The following TMEM132D variants were observed in gnomAD, a reference collection of about 807,000 sequenced individuals.
The protein encoded by TMEM132D is mature OL transmembrane protein.
In TMEM132D, 21 loss-of-function variants were observed where a neutral mutation model predicts 62.3. The observed-to-expected ratio is 0.34, with a 90% CI of 0.24 to 0.49. The LOEUF is 0.49. Ranked by LOEUF, TMEM132D falls within the 20% of genes least tolerant of loss-of-function variation. TMEM132D has a pLI of 0.99. For synonymous variants in TMEM132D, 621 were observed against 575.6 expected (o/e 1.08, Z -1.13); for missense variants, 1,346 against 1,402.8 (o/e 0.96, Z 0.65).
At chr12:129,619,249 C>A (rs1006500405) in intron 2 of TMEM132D, among the ~76,000 whole-genome samples, 1 of 152,072 alleles carries the variant, frequency 6.6e-6, no homozygotes, top group Non-Finnish European at 1.5e-5. Context: ...TTCAGATGGT[C>A]GAGGGGCCTT....
intron 3 of TMEM132D, among the ~76,000 whole-genome samples, chr12:129,427,635 A>T (rs1872536234): frequency 6.6e-6 from 1 of 152,166 alleles, no homozygotes; most frequent in African/African-American, 2.4e-5. Context: ...TGCACTATGC[A>T]TCCCAGTTTT....
chr12:129,187,302 C>A (rs1878246366), intron 5 of TMEM132D, among the ~76,000 whole-genome samples: 1 of 152,122 alleles, frequency 6.6e-6, no homozygotes, highest in Non-Finnish European at 1.5e-5. Flanking sequence ...AGGCCACACA[C>A]AAAATTGGGA....
intron 4 of TMEM132D, among the ~76,000 whole-genome samples, chr12:129,249,424 C>T (rs1341089818): frequency 1.3e-5 from 2 of 152,314 alleles, no homozygotes; most frequent in East Asian, 3.9e-4. Flanking sequence ...TGCTCACCAT[C>T]GGTCTTGCCC....
intron 2 of TMEM132D, among the ~76,000 whole-genome samples, chr12:129,563,745 A>C (rs963525971): frequency 6.6e-6 from 1 of 151,866 alleles, no homozygotes; most frequent in Non-Finnish European, 1.5e-5. Context: ...ACCCACAGAC[A>C]TTCAACCCAC....
At chr12:129,743,391 A>T (rs1236648044) in intron 1 of TMEM132D, among the ~76,000 whole-genome samples, 1 of 152,110 alleles carries the variant, frequency 6.6e-6, no homozygotes, top group African/African-American at 2.4e-5. Context: ...TTCACAGGAG[A>T]TCTGATGGTT....
At chr12:129,727,306 T>C (rs189561494) in intron 1 of TMEM132D, among the ~76,000 whole-genome samples, 50 of 152,290 alleles carry the variant, frequency 3.3e-4, no homozygotes, top group Admixed American at 2.7e-3. Context: ...TGCTGTGTCA[T>C]AACATGGTGG....
At chr12:129,629,059 T>G (rs1254216887) in intron 2 of TMEM132D, among the ~76,000 whole-genome samples, 1 of 152,026 alleles carries the variant, frequency 6.6e-6, no homozygotes, top group Non-Finnish European at 1.5e-5. Flanking sequence ...TCCATCTGTA[T>G]GCCCCTTTCT....
At chr12:129,515,612 C>A (rs1188036618) in intron 3 of TMEM132D, among the ~76,000 whole-genome samples, 3 of 152,160 alleles carry the variant, frequency 2.0e-5, no homozygotes, top group Non-Finnish European at 4.4e-5. Context: ...GAGCCACGGT[C>A]ATAAAGGAAT....
chr12:129,519,810 T>C (rs542725390), intron 3 of TMEM132D, among the ~76,000 whole-genome samples: 5 of 152,024 alleles, frequency 3.3e-5, no homozygotes, highest in Non-Finnish European at 7.4e-5. Flanking sequence ...GGTTTTACCA[T>C]GTTGGCCAGG....
intron 1 of TMEM132D, among the ~76,000 whole-genome samples, chr12:129,789,854 TAACA>T (rs945307534): frequency 6.6e-6 from 1 of 152,236 alleles, no homozygotes; most frequent in African/African-American, 2.4e-5. Context: ...TTTCTAAATC[TAACA>T]AACAATTTAA....
rs569815002 is a variant in TMEM132D, at chr12:129,838,739, G to A, written c.79+64522C>T. On this transcript the variant is annotated intron_variant, in intron 1 of 8. Coordinates refer to ENST00000422113, the MANE Select transcript of TMEM132D (RefSeq NM_133448.3). ...ATTCTCCAAAGAAAAAATGCCAGCGGCAAACAAGAACACTATTTAACCTAG... is the reference window on the plus strand; with the variant it reads ...ATTCTCCAAAGAAAAAATGCCAGCGACAAACAAGAACACTATTTAACCTAG... Among the ~76,000 whole-genome samples, 3 of 152,206 alleles carry A rather than the reference G, an allele frequency of 2.0e-5. No individual in the cohort carries two copies. In the South Asian group the frequency reaches 6.2e-4, roughly 32 times the overall value.
chr12:129,530,457 C>G (rs184625702), intron 3 of TMEM132D, among the ~76,000 whole-genome samples: 1 of 152,094 alleles, frequency 6.6e-6, no homozygotes, highest in African/African-American at 2.4e-5. Context: ...ACTGAGTTTC[C>G]GAGCCTCCCT....
In TMEM132D at chr12:129,371,708, G is replaced by A. The variant is rs1870609439; in HGVS notation, c.1116-33891C>T. On this transcript the variant is annotated intron_variant, in intron 3 of 8. Coordinates refer to ENST00000422113, the MANE Select transcript of TMEM132D (RefSeq NM_133448.3). This position sits in a 1 kb window ranked among gnomAD's most constrained non-coding sequence, Gnocchi z 4.3. ...GTGACAATGATGATGTGATGATAGTGATGGTGATGATGATGGGGTGTTTAG... is the reference window on the plus strand; with the variant it reads ...GTGACAATGATGATGTGATGATAGTAATGGTGATGATGATGGGGTGTTTAG... Among the ~76,000 whole-genome samples, 1 of 152,058 alleles carries A rather than the reference G, an allele frequency of 6.6e-6. No individual in the cohort carries two copies. Among genetic ancestry groups the A allele is most frequent in the South Asian group, 2.1e-4 (1 of 4,808 alleles).
chr12:129,591,378 G>C (rs1332872266), intron 2 of TMEM132D, among the ~76,000 whole-genome samples: 1 of 152,166 alleles, frequency 6.6e-6, no homozygotes, highest in Non-Finnish European at 1.5e-5. Context: ...TTTCAGAACA[G>C]AGGAACTGTG....
intron 2 of TMEM132D, among the ~76,000 whole-genome samples, chr12:129,558,773 C>T (rs746709294): frequency 6.6e-5 from 10 of 152,132 alleles, no homozygotes; most frequent in Non-Finnish European, 1.0e-4. Flanking sequence ...ACTGGAGAAG[C>T]GTTGCATTTA....
chr12:129,706,797 GAATTT>G (rs1881517180), intron 1 of TMEM132D, among the ~76,000 whole-genome samples: 1 of 151,654 alleles, frequency 6.6e-6, no homozygotes. Context: ...TAAAAACTAT[GAATTT>G]ATATTCATAG....
intron 4 of TMEM132D, among the ~76,000 whole-genome samples, chr12:129,295,486 AGT>A (rs1881552504): frequency 2.1e-5 from 3 of 140,016 alleles, no homozygotes; most frequent in Admixed American, 7.8e-5. Flanking sequence ...GCTGGAGTGC[AGT>A]GGCGTGATCT....
chr12:129,741,461 T>G (rs899078177), intron 1 of TMEM132D, among the ~76,000 whole-genome samples: 1 of 152,174 alleles, frequency 6.6e-6, no homozygotes, highest in African/African-American at 2.4e-5. Context: ...CACCTGCTAC[T>G]CATGAGAAAA....
intron 5 of TMEM132D, among the ~76,000 whole-genome samples, chr12:129,168,070 A>C (rs1173540537): frequency 6.6e-6 from 1 of 152,230 alleles, no homozygotes; most frequent in Non-Finnish European, 1.5e-5. Flanking sequence ...CACTGAGATA[A>C]AATGACAAGT....
Sources: allele counts gnomAD v4.1 joint callset (sites outside exome capture counted in the v4.1 genomes callset), GRCh38; gene constraint gnomAD v4.1.1; non-coding constraint Gnocchi (gnomAD v3.1); transcripts MANE v1.5; gene names NCBI Gene and HGNC (gene_info 2026-07-23, HGNC 2026-07-21).